SOHLH2: variants seen among roughly 807,000 people sequenced by gnomAD.
The protein encoded by SOHLH2 is spermatogenesis- and oogenesis-specific basic helix-loop-helix-containing protein 2.
SOHLH2 carries 22 observed loss-of-function variants against 50.4 expected under a neutral mutation model. The observed-to-expected ratio is 0.44, with a 90% CI of 0.31 to 0.62. The LOEUF is 0.62. Among genes scored for constraint, SOHLH2 ranks in the 20% least tolerant of loss-of-function variants. The probability of loss-of-function intolerance (pLI) is 0.08; values close to 1 mark genes in which losing one functional copy is unlikely to be tolerated. For missense variants in SOHLH2, 412 were observed against 504.4 expected (o/e 0.82, Z 1.76); for synonymous variants, 185 against 187.3 (o/e 0.99, Z 0.10).
At chr13:36,192,851 C>T (rs376274700) in intron 4 of SOHLH2, among the ~76,000 whole-genome samples, 11 of 152,258 alleles carry the variant, frequency 7.2e-5, no homozygotes, top group African/African-American at 2.6e-4. Context: ...ACTATAGTCA[C>T]ACTGTGTATA....
intron 6 of SOHLH2, among the ~76,000 whole-genome samples, chr13:36,188,124 G>A (rs1887473979): frequency 1.3e-5 from 2 of 152,294 alleles, no homozygotes; most frequent in South Asian, 4.1e-4. Context: ...GCTGGCAAAA[G>A]TCCAGATACG....
At chr13:36,181,235 T>A (rs1017013644) in intron 6 of SOHLH2, among the ~76,000 whole-genome samples, 1 of 152,078 alleles carries the variant, frequency 6.6e-6, no homozygotes, top group Admixed American at 6.5e-5. Flanking sequence ...TATTAATTTA[T>A]TTTTTTATAT....
rs1476484990 is a variant in SOHLH2, at chr13:36,202,010, T to C, written c.132A>G (p.Ala44=). ...DTVQKLFANI[A]EVTITISDTK... is the part of the protein sequence containing the mutation. The stretch of plus-strand genomic sequence containing the variant: ...TGTCACTGATGGTGATGGTGACTTC[T>C]GCTATGTTTGCAAATAGTTTCTGTA... Residue 44 remains alanine, a synonymous_variant, in exon 2 of 11, where the codon GCA becomes GCG. Coordinates refer to ENST00000379881, the MANE Select transcript of SOHLH2 (RefSeq NM_017826.3). The C allele has an allele frequency of 6.2e-7, 1 of 1,614,110 alleles. No individual in the cohort carries two copies. The highest frequency in any genetic ancestry group is 1.7e-5 in the Admixed American group (1 of 60,012).
chr13:36,170,209 G>A (rs373638588), intron 10 of SOHLH2, among the ~76,000 whole-genome samples: 15 of 152,256 alleles, frequency 9.9e-5, no homozygotes, highest in African/African-American at 3.1e-4. Flanking sequence ...AATGGGATGT[G>A]CCACTGTGGA....
At chr13:36,187,633 G>T (rs756066167) in intron 6 of SOHLH2, among the ~76,000 whole-genome samples, 4 of 152,142 alleles carry the variant, frequency 2.6e-5, no homozygotes, top group Admixed American at 6.5e-5. Context: ...TCAGCAGATG[G>T]AGGGGGACCA....
intron 1 of SOHLH2, 147 bp downstream of exon 1, chr13:36,214,332 G>T (rs1168906806): frequency 8.9e-6 from 9 of 1,009,742 alleles, no homozygotes; most frequent in Non-Finnish European, 1.3e-5. Context: ...TCGCGTCCTG[G>T]AAGGGGCCCT....
intron 1 of SOHLH2, among the ~76,000 whole-genome samples, chr13:36,212,728 G>GT (rs2138338457): frequency 6.6e-6 from 1 of 152,340 alleles, no homozygotes; most frequent in African/African-American, 2.4e-5. Flanking sequence ...AAAATAAAGT[G>GT]TAATTCCACC....
intron 1 of SOHLH2, among the ~76,000 whole-genome samples, chr13:36,206,349 T>C (rs1380653111): frequency 6.6e-6 from 1 of 152,092 alleles, no homozygotes; most frequent in Non-Finnish European, 1.5e-5. Context: ...CACATTTTTA[T>C]ATATAGTGAG....
rs996588972 is a variant in SOHLH2, at chr13:36,193,813, A to T, written c.318T>A (p.Asn106Lys). 3 of 1,603,824 alleles carry T rather than the reference A, an allele frequency of 1.9e-6. No homozygotes were observed. Among genetic ancestry groups the T allele is most frequent in the East Asian group, 2.2e-5 (1 of 44,502 alleles). Residue 106 changes from asparagine to lysine, a missense_variant, in exon 3 of 11, where the codon AAT (asparagine) becomes AAA (lysine). Coordinates refer to ENST00000379881, the MANE Select transcript of SOHLH2 (RefSeq NM_017826.3). ...TATTTAGCAGGTACATACCTTTAAA[A>T]TTTTCAGGGATTATAAAAACAAACA... ...HSLFVFIIPENFKGCISGHGM... is the reference protein window; with the variant it reads ...HSLFVFIIPEKFKGCISGHGM...
intron 6 of SOHLH2, among the ~76,000 whole-genome samples, chr13:36,189,201 G>A (rs1475563850): frequency 1.3e-5 from 2 of 151,908 alleles, no homozygotes; most frequent in Non-Finnish European, 2.9e-5. Flanking sequence ...GACTACTTCT[G>A]GCCTCCGGAT....
chr13:36,199,856 T>C (rs1283178789), intron 2 of SOHLH2, among the ~76,000 whole-genome samples: 6 of 152,240 alleles, frequency 3.9e-5, no homozygotes, highest in African/African-American at 7.2e-5. Context: ...CAGAGAGGCA[T>C]AGCTAGGGTC....
At chr13:36,199,608 A>C (rs1887837726) in intron 2 of SOHLH2, among the ~76,000 whole-genome samples, 1 of 152,240 alleles carries the variant, frequency 6.6e-6, no homozygotes, top group Non-Finnish European at 1.5e-5. Flanking sequence ...TACCGTTTGC[A>C]TAGCTATACA....
chr13:36,192,280 AT>A (rs1593949219), intron 4 of SOHLH2, among the ~76,000 whole-genome samples: 2 of 152,004 alleles, frequency 1.3e-5, no homozygotes, highest in South Asian at 2.1e-4. Flanking sequence ...TCTGAAAAAA[AT>A]TTTTTCCTTT....
chr13:36,212,360 A>C (rs1308561928), intron 1 of SOHLH2, among the ~76,000 whole-genome samples: 5 of 152,244 alleles, frequency 3.3e-5, no homozygotes, highest in Admixed American at 2.0e-4. Flanking sequence ...TTAATGGACA[A>C]ATCAGAACAC....
At chr13:36,207,662 C>A (rs1189762897) in intron 1 of SOHLH2, among the ~76,000 whole-genome samples, 1 of 152,170 alleles carries the variant, frequency 6.6e-6, no homozygotes, top group Non-Finnish European at 1.5e-5. Flanking sequence ...TAGCCTTTTT[C>A]TGTCCCAGGA....
At position 36,193,729 on chromosome 13, in the gene SOHLH2, A is replaced by T. The variant is rs528668005; in HGVS notation, c.326-4T>A. ...ATTCCATGCCCTGAAATACAACCTA[A>T]GAATCTTTATATTAAATATTGACCT... On this transcript the variant is annotated splice_polypyrimidine_tract_variant and splice_region_variant and intron_variant, in intron 3 of 10. Transcript: ENST00000379881. 1 of 1,606,996 alleles carries T rather than the reference A, an allele frequency of 6.2e-7. No individual in the cohort carries two copies. The highest frequency in any genetic ancestry group is 1.7e-5 in the Admixed American group (1 of 58,322).
At chr13:36,197,256 C>T (rs1220565726) in intron 2 of SOHLH2, among the ~76,000 whole-genome samples, 1 of 152,180 alleles carries the variant, frequency 6.6e-6, no homozygotes, top group African/African-American at 2.4e-5. Flanking sequence ...CTACACCTCA[C>T]TTTTGAGATT....
At chr13:36,169,907 G>A (rs1178936297) in intron 10 of SOHLH2, among the ~76,000 whole-genome samples, 1 of 152,060 alleles carries the variant, frequency 6.6e-6, no homozygotes, top group Non-Finnish European at 1.5e-5. Context: ...CCTCCTACCC[G>A]CTTCAACCAT....
At chr13:36,177,099 A>G (rs1799543833) in intron 6 of SOHLH2, among the ~76,000 whole-genome samples, 1 of 152,058 alleles carries the variant, frequency 6.6e-6, no homozygotes. Flanking sequence ...TAAAGCAACT[A>G]CAATTCTAGT....
Sources: allele counts gnomAD v4.1 joint callset (sites outside exome capture counted in the v4.1 genomes callset), GRCh38; gene constraint gnomAD v4.1.1; transcripts MANE v1.5; gene names NCBI Gene and HGNC (gene_info 2026-07-23, HGNC 2026-07-21).